MECOM: variants seen among roughly 807,000 people sequenced by gnomAD.
MECOM encodes the protein MDS1 and EVI1 complex locus.
A neutral mutation model predicts 116.3 loss-of-function variants in MECOM; 13 were observed. The ratio of observed to expected loss-of-function variants is 0.11; its 90% CI spans 0.07 to 0.18. The LOEUF (loss-of-function observed/expected upper bound fraction) is 0.18, where lower values mean the gene tolerates loss of function less well. Among genes scored for constraint, MECOM ranks in the 10% least tolerant of loss-of-function variants. The pLI, the probability that MECOM is intolerant of heterozygous loss-of-function variation, is 1.00. For synonymous variants in MECOM, 528 were observed against 535.2 expected, an observed-to-expected ratio of 0.99 and a Z score of 0.19; for missense variants, 1,299 against 1,509.0, an observed-to-expected ratio of 0.86 and a Z score of 2.31.
At chr3:169,417,398 C>T (rs1391203849) in intron 1 of MECOM, among the ~76,000 whole-genome samples, 1 of 152,098 alleles carries the variant, frequency 6.6e-6, no homozygotes, top group African/African-American at 2.4e-5. Flanking sequence ...CAAATCAAAA[C>T]CACAATGAGA....
intron 12 of MECOM, among the ~76,000 whole-genome samples, chr3:169,097,168 A>G (rs748414663): frequency 6.6e-6 from 1 of 152,152 alleles, no homozygotes; most frequent in African/African-American, 2.4e-5. Context: ...AACACTTTCT[A>G]CACAAATCAT....
At chr3:169,422,249 T>G (rs1488413529) in intron 1 of MECOM, among the ~76,000 whole-genome samples, 3 of 152,128 alleles carry the variant, frequency 2.0e-5, no homozygotes, top group Admixed American at 6.6e-5. Context: ...ATGTTAAAAC[T>G]TACTGGGAAT....
chr3:169,309,373 C>T (rs1435377589), intron 2 of MECOM, among the ~76,000 whole-genome samples: 1 of 152,130 alleles, frequency 6.6e-6, no homozygotes, highest in Non-Finnish European at 1.5e-5. Context: ...TGAATAAACT[C>T]ATTCAAGATA....
At chr3:169,376,137 G>A (rs773630875) in intron 2 of MECOM, among the ~76,000 whole-genome samples, 2 of 151,944 alleles carry the variant, frequency 1.3e-5, no homozygotes, top group Non-Finnish European at 2.9e-5. Flanking sequence ...AGCCCTTCAC[G>A]CTAAAAACTC....
rs539783157 is a variant in MECOM at position 169,433,776 on chromosome 3, G to C, written c.38-52252C>G. Among the ~76,000 whole-genome samples, 11 of 152,270 alleles carry C rather than the reference G, an allele frequency of 7.2e-5. No homozygotes were observed. The East Asian group carries it at 1.9e-3, about 27-fold the overall frequency. ...ACCTTTGTGAAAAATCATCTAGAGT[G>C]CTTGTTAAAAATGCAAATACACAGG... On this transcript the variant is annotated intron_variant, in intron 1 of 16. Transcript: ENST00000651503.
intron 2 of MECOM, among the ~76,000 whole-genome samples, chr3:169,303,114 T>A (rs1717062238): frequency 6.6e-6 from 1 of 152,190 alleles, no homozygotes; most frequent in South Asian, 2.1e-4. Flanking sequence ...TAAATTTATG[T>A]CACCGATCAA....
intron 16 of MECOM, among the ~76,000 whole-genome samples, chr3:169,088,659 C>G (rs1162410835): frequency 6.6e-6 from 1 of 152,010 alleles, no homozygotes; most frequent in African/African-American, 2.4e-5. Context: ...AGTATAGACA[C>G]GGAAAATGAC....
At chr3:169,537,718 T>TAAA (rs144260368) in intron 1 of MECOM, among the ~76,000 whole-genome samples, 1 of 142,626 alleles carries the variant, frequency 7.0e-6, no homozygotes. Flanking sequence ...GCAGAACATT[T>TAAA]AAAAAAAAAA....
intron 1 of MECOM, among the ~76,000 whole-genome samples, chr3:169,446,387 A>T (rs1009381087): frequency 6.6e-6 from 1 of 151,550 alleles, no homozygotes; most frequent in African/African-American, 2.4e-5. Context: ...CTTCTTCCTC[A>T]TTTTCTCTTG....
chr3:169,163,285 C>A (rs1023808435), intron 2 of MECOM, among the ~76,000 whole-genome samples: 5 of 152,026 alleles, frequency 3.3e-5, no homozygotes, highest in African/African-American at 1.2e-4. Context: ...CACTCATGTA[C>A]TCCTTCTTTC....
chr3:169,118,724 TA>T (rs11359363), intron 7 of MECOM, among the ~76,000 whole-genome samples: 130,118 of 150,954 alleles, frequency 0.86, 56,309 homozygotes, highest in Non-Finnish European at 0.9. Context: ...TCAGATGGCT[TA>T]AAAAAAAAAA....
At chr3:169,442,475 A>G (rs546319806) in intron 1 of MECOM, among the ~76,000 whole-genome samples, 1 of 152,354 alleles carries the variant, frequency 6.6e-6, no homozygotes, top group East Asian at 1.9e-4. Flanking sequence ...GTTGCTAGTA[A>G]CAAGATAAAA....
intron 2 of MECOM, among the ~76,000 whole-genome samples, chr3:169,377,274 C>T (rs1394366509): frequency 6.6e-6 from 1 of 152,114 alleles, no homozygotes; most frequent in East Asian, 1.9e-4. Flanking sequence ...TGGGCAAAGA[C>T]TTCATGACTA....
At chr3:169,603,998 A>G (rs1768161762) in intron 1 of MECOM, among the ~76,000 whole-genome samples, 1 of 152,128 alleles carries the variant, frequency 6.6e-6, no homozygotes, top group South Asian at 2.1e-4. Flanking sequence ...GGAGCCCTGG[A>G]TTCTTTAGGG....
At chr3:169,297,864 A>T (rs1715932723) in intron 2 of MECOM, among the ~76,000 whole-genome samples, 1 of 152,234 alleles carries the variant, frequency 6.6e-6, no homozygotes, top group African/African-American at 2.4e-5. Flanking sequence ...AAATGTTTGA[A>T]ATAAGTTTTA....
chr3:169,537,102 C>T (rs1160591459), intron 1 of MECOM, among the ~76,000 whole-genome samples: 3 of 152,126 alleles, frequency 2.0e-5, no homozygotes, highest in Non-Finnish European at 4.4e-5. Context: ...ATGGGCAGGA[C>T]ATTTCACACA....
chr3:169,206,722 A>G (rs2149462804), intron 2 of MECOM, among the ~76,000 whole-genome samples: 1 of 150,888 alleles, frequency 6.6e-6, no homozygotes, highest in East Asian at 2.0e-4. Context: ...CACGCACTCC[A>G]GCATGGGCGA....
At chr3:169,614,406 A>G (rs1276428648) in intron 1 of MECOM, among the ~76,000 whole-genome samples, 1 of 152,184 alleles carries the variant, frequency 6.6e-6, no homozygotes, top group Non-Finnish European at 1.5e-5. Flanking sequence ...TTTCAAATCA[A>G]TAAAAATGAT....
At chr3:169,248,484 T>A (rs1029384075) in intron 2 of MECOM, among the ~76,000 whole-genome samples, 3 of 152,206 alleles carry the variant, frequency 2.0e-5, no homozygotes, top group Non-Finnish European at 4.4e-5. Context: ...AGGGATGCAT[T>A]TCTAGGCACT....
Sources: gnomAD v4.1 joint callset for allele counts (sites outside exome capture counted in the v4.1 genomes callset) on GRCh38, gnomAD v4.1.1 for gene constraint, MANE v1.5 for transcripts, NCBI Gene and HGNC (gene_info 2026-07-23, HGNC 2026-07-21) for gene names.